Variants in ECT2 observed in about 807,000 individuals in gnomAD.
ECT2 encodes the protein protein ECT2.
A neutral mutation model predicts 116.9 loss-of-function variants in ECT2; 61 were observed. That is an observed-to-expected ratio of 0.52 (90% CI 0.42 to 0.65). ECT2 has a LOEUF of 0.65. Among genes scored for constraint, ECT2 ranks in the 30% least tolerant of loss-of-function variants. The pLI is 0.00. For synonymous variants in ECT2, 358 were observed against 346.4 expected (o/e 1.03, Z -0.37); for missense variants, 937 against 1,078.7 (o/e 0.87, Z 1.84).
At chr3:172,764,130 A>G (rs1718863464) in intron 11 of ECT2, 148 bp from the exon 12 acceptor site, 1 of 693,688 alleles carries the variant, frequency 1.4e-6, no homozygotes, top group Non-Finnish European at 2.4e-6. Context: ...TGTTTTATGA[A>G]ACTTTTGAAT....
At chr3:172,766,002 C>A (rs79882079) in intron 12 of ECT2, among the ~76,000 whole-genome samples, 5 of 152,256 alleles carry the variant, frequency 3.3e-5, no homozygotes, top group African/African-American at 9.6e-5. Context: ...GTAGTTCTTA[C>A]GATAGAAATT....
At chr3:172,767,656 G>T (rs988119684) in intron 12 of ECT2, among the ~76,000 whole-genome samples, 1 of 151,924 alleles carries the variant, frequency 6.6e-6, no homozygotes, top group South Asian at 2.1e-4. Flanking sequence ...CATATTAACA[G>T]TAAGAAAACA....
intron 21 of ECT2, among the ~76,000 whole-genome samples, chr3:172,807,492 TATC>T (rs1727993166): frequency 6.6e-6 from 1 of 152,228 alleles, no homozygotes; most frequent in African/African-American, 2.4e-5. Flanking sequence ...TTAATATTTT[TATC>T]ATAGAAAATA....
At position 172,816,511 on chromosome 3, in the gene ECT2, C is replaced by G. The variant is rs183338209; in HGVS notation, c.2509-180C>G. On this transcript the variant is annotated intron_variant, in intron 23 of 24. Coordinates refer to ENST00000392692, the MANE Select transcript of ECT2 (RefSeq NM_001258315.2). Reference sequence around the variant, plus strand: ...TCCTTCCATTGGACTGCAGTGCTCTCTAAATGAAAGTTTAAATAGTCTACA... The same window carrying G: ...TCCTTCCATTGGACTGCAGTGCTCTGTAAATGAAAGTTTAAATAGTCTACA... Among the ~76,000 whole-genome samples, 407 of 152,208 alleles carry G rather than the reference C, an allele frequency of 2.7e-3. 2 individuals carry two copies. The highest frequency in any genetic ancestry group is 9.2e-3 in the African/African-American group (383 of 41,554).
chr3:172,759,607 A>G (rs907934266), intron 6 of ECT2, among the ~76,000 whole-genome samples: 2 of 151,888 alleles, frequency 1.3e-5, no homozygotes, highest in Non-Finnish European at 2.9e-5. Flanking sequence ...ACGCCTGGCT[A>G]ATTTTTTTTT....
At chr3:172,828,841 T>C in the ECT2 span, 1 of 917,718 alleles carries the variant, frequency 1.1e-6, no homozygotes, top group Non-Finnish European at 1.7e-6. Context: ...GCCTGAGAGA[T>C]GAGTGCCTGA....
intron 4 of ECT2, among the ~76,000 whole-genome samples, chr3:172,756,150 C>T (rs192383971): frequency 3.9e-5 from 6 of 152,278 alleles, no homozygotes; most frequent in African/African-American, 7.2e-5. Context: ...AAGTCCTTAT[C>T]GCCAAATATA....
intron 4 of ECT2, 147 bp downstream of exon 4, chr3:172,755,722 C>G (rs1716858770): frequency 2.6e-6 from 1 of 384,188 alleles, no homozygotes; most frequent in Non-Finnish European, 4.6e-6. Context: ...TTTTTAACTC[C>G]TTAGCTTCTT....
chr3:172,820,826 C>T lies in ECT2; in HGVS notation c.*589C>T, dbSNP rs930602884. 4 of 151,766 alleles carry T rather than the reference C, an allele frequency of 2.6e-5. No individual in the cohort carries two copies. Among genetic ancestry groups the T allele is most frequent in the African/African-American group, 7.3e-5 (3 of 41,366 alleles). 9.4% of individuals were successfully genotyped at this position (151,766 alleles called of 1,614,324 possible). ...ATTTTAAAAGATTTGCCCTCATTAA[C>T]AAGAATAACATTTAAAGGAGATTGT... is the stretch of plus-strand genomic sequence containing the variant. On this transcript the variant is annotated 3_prime_UTR_variant, in exon 25 of 25. Coordinates refer to ENST00000392692, the MANE Select transcript of ECT2 (RefSeq NM_001258315.2).
chr3:172,820,560 C>T lies in ECT2; in HGVS notation c.*323C>T, dbSNP rs4331694. ...TGATAGAGTAAATAAATTTTATGGGCGGGTGCCAAATACTGCTGTGAATCT... is the reference window on the plus strand; with the variant it reads ...TGATAGAGTAAATAAATTTTATGGGTGGGTGCCAAATACTGCTGTGAATCT... On this transcript the variant is annotated 3_prime_UTR_variant, in exon 25 of 25. Transcript: ENST00000392692. 85,960 of 178,594 alleles carry T rather than the reference C, an allele frequency of 0.48. 24,089 individuals carry two copies. Among genetic ancestry groups the T allele is most frequent in the East Asian group, 0.69 (4,766 of 6,902 alleles). The allele number at this position is 178,594 out of a possible 1,614,324, so 11.1% of individuals were successfully genotyped here.
At position 172,778,034 on chromosome 3, in the gene ECT2, T is replaced by C. The variant is rs1159307109; in HGVS notation, c.1548+4012T>C. On this transcript the variant is annotated intron_variant, in intron 14 of 24. Transcript: ENST00000392692. ...GTTTCAGGAACCCATGTATGTTGGC[T>C]TACTGTGCAATGAGCTCAGCAAAAG... Among the ~76,000 whole-genome samples, 2 of 152,228 alleles carry C rather than the reference T, an allele frequency of 1.3e-5. 1 individual carries two copies. The highest frequency in any genetic ancestry group is 2.9e-5 in the Non-Finnish European group (2 of 68,040).
chr3:172,762,249 A>AT (rs1475285533), intron 8 of ECT2, among the ~76,000 whole-genome samples, 167 bp from the exon 9 acceptor site: 3 of 152,140 alleles, frequency 2.0e-5, no homozygotes, highest in Non-Finnish European at 4.4e-5. Context: ...AGGACACATC[A>AT]TTTTTTTAAA....
Position 172,769,158 on chromosome 3 carries a change from G to T in ECT2, c.1428+15G>T. 6.3e-7 allele frequency: 1 copy of T among 1,588,674 alleles called. No homozygotes were observed. Among genetic ancestry groups the T allele is most frequent in the Non-Finnish European group, 8.6e-7 (1 of 1,165,318 alleles). On this transcript the variant is annotated intron_variant, in intron 13 of 24. Coordinates refer to ENST00000392692, the MANE Select transcript of ECT2 (RefSeq NM_001258315.2). The stretch of plus-strand genomic sequence containing the variant: ...CAATTATTCAGGTAAGTATGAGTTT[G>T]ATTGAAAAATGATTTCTGTTCCAGT...
intron 18 of ECT2, among the ~76,000 whole-genome samples, chr3:172,795,081 A>G (rs776682759): frequency 6.6e-6 from 1 of 151,956 alleles, no homozygotes; most frequent in African/African-American, 2.4e-5. Flanking sequence ...TCTTTCAACT[A>G]TATTTCGTGG....
chr3:172,769,264 A>C, intron 13 of ECT2, 121 bp downstream of exon 13: 1 of 1,008,340 alleles, frequency 9.9e-7, no homozygotes, highest in South Asian at 2.0e-5. Flanking sequence ...TGGATGTTAA[A>C]AATGGAATTG....
At position 172,805,953 on chromosome 3, in the gene ECT2, A is replaced by T. The variant is rs1727610857; in HGVS notation, c.2245+84A>T. 2.9e-6 allele frequency: 4 copies of T among 1,385,896 alleles called. No homozygotes were observed. The South Asian group carries it at 5.5e-5, about 19-fold the overall frequency. 85.8% of individuals were successfully genotyped at this position (1,385,896 alleles called of 1,614,324 possible). On this transcript the variant is annotated intron_variant, in intron 21 of 24. Coordinates refer to ENST00000392692, the MANE Select transcript of ECT2 (RefSeq NM_001258315.2). ...TAATTTACTCCATTTTGGCTTTTTT[A>T]AATTGGTAAATTATCTTTAAATATA...
At chr3:172,806,479 C>A (rs1447649513) in intron 21 of ECT2, among the ~76,000 whole-genome samples, 1 of 151,892 alleles carries the variant, frequency 6.6e-6, no homozygotes, top group Non-Finnish European at 1.5e-5. Flanking sequence ...TAATTGACAC[C>A]CAGTGGTGTA....
At chr3:172,778,581 T>C (rs1722154313) in intron 14 of ECT2, among the ~76,000 whole-genome samples, 1 of 148,256 alleles carries the variant, frequency 6.7e-6, no homozygotes, top group Non-Finnish European at 1.5e-5. Context: ...CCTGAGCTAT[T>C]AGCTATCTTT....
chr3:172,780,294 G>T (rs1275547136), intron 14 of ECT2, among the ~76,000 whole-genome samples: 1 of 151,838 alleles, frequency 6.6e-6, no homozygotes, highest in East Asian at 1.9e-4. Context: ...CTTTTTTTCT[G>T]GTCAAATAAT....
Sources: allele counts gnomAD v4.1 joint callset (sites outside exome capture counted in the v4.1 genomes callset), GRCh38; gene constraint gnomAD v4.1.1; transcripts MANE v1.5; gene names NCBI Gene and HGNC (gene_info 2026-07-23, HGNC 2026-07-21).